The following SLC25A17 variants were observed in gnomAD, a reference collection of about 807,000 sequenced individuals.
SLC25A17 encodes the protein peroxisomal membrane protein PMP34.
SLC25A17 carries 26 observed loss-of-function variants against 38.5 expected under a neutral mutation model. The observed-to-expected ratio is 0.68, with a 90% confidence interval of 0.50 to 0.94. The LOEUF (loss-of-function observed/expected upper bound fraction) is 0.94. Ranked by LOEUF, SLC25A17 falls within the 40% of genes least tolerant of loss-of-function variation. The pLI is 0.00. For synonymous variants in SLC25A17, 139 were observed against 136.2 expected, an observed-to-expected ratio of 1.02 and a Z score of -0.14; for missense variants, 333 against 372.7, an observed-to-expected ratio of 0.89 and a Z score of 0.88.
At chr22:40,794,441 G>A in intron 3 of SLC25A17, 73 bp downstream of exon 3, 1 of 874,554 alleles carries the variant, frequency 1.1e-6, no homozygotes, top group South Asian at 1.4e-5. Context: ...TAGAAAGTAA[G>A]CATAACTCTA....
At chr22:40,817,634 CACTTCTACCATG>C (rs1417617921) in intron 1 of SLC25A17, among the ~76,000 whole-genome samples, 2 of 152,144 alleles carry the variant, frequency 1.3e-5, no homozygotes, top group Non-Finnish European at 2.9e-5. Flanking sequence ...GGTCAATGAT[CACTTCTACCATG>C]TCTGCTACCA....
intron 1 of SLC25A17, chr22:40,814,039 T>C (rs2057609729): frequency 6.6e-6 from 1 of 152,212 alleles, no homozygotes; most frequent in Non-Finnish European, 1.5e-5. Flanking sequence ...AGTAGATGTA[T>C]AGAGCACTCT....
At chr22:40,801,128 CATATATATATATATATATATATATAT>C (rs60780380) in intron 1 of SLC25A17, among the ~76,000 whole-genome samples, 72 of 101,202 alleles carry the variant, frequency 7.1e-4, no homozygotes, top group African/African-American at 2.0e-3. Flanking sequence ...AAATATATTA[CATATATATATATATATATATATATAT>C]ATATATATAT....
chr22:40,779,388 G>A, intron 4 of SLC25A17: 1 of 825,344 alleles, frequency 1.2e-6, no homozygotes, highest in Non-Finnish European at 1.8e-6. Flanking sequence ...TGTACAACAG[G>A]CAATCTATTT....
intron 4 of SLC25A17, among the ~76,000 whole-genome samples, chr22:40,791,344 C>T (rs1294199827): frequency 1.3e-5 from 2 of 152,140 alleles, no homozygotes; most frequent in East Asian, 3.8e-4. Context: ...CAGCCTCCAT[C>T]CTGAAGCTAT....
chr22:40,816,672 A>C (rs916099011), intron 1 of SLC25A17, among the ~76,000 whole-genome samples: 20 of 148,810 alleles, frequency 1.3e-4, no homozygotes, highest in Non-Finnish European at 2.7e-4. Context: ...GTGCAATGGC[A>C]CAATTTTGGC....
chr22:40,809,562 G>A (rs144633749), intron 1 of SLC25A17, among the ~76,000 whole-genome samples: 3 of 152,190 alleles, frequency 2.0e-5, no homozygotes, highest in Non-Finnish European at 2.9e-5. Context: ...AGCCTGGGCT[G>A]TTGGGGCTAC....
chr22:40,778,285 C>G (rs2057264257), intron 5 of SLC25A17, among the ~76,000 whole-genome samples: 1 of 152,228 alleles, frequency 6.6e-6, no homozygotes, highest in Non-Finnish European at 1.5e-5. Context: ...TACCCCTTGT[C>G]TTGGGCTTGG....
intron 4 of SLC25A17, among the ~76,000 whole-genome samples, chr22:40,791,411 G>C (rs1017396608): frequency 1.3e-5 from 2 of 152,102 alleles, no homozygotes; most frequent in Non-Finnish European, 1.5e-5. Context: ...GTTCAAAGGG[G>C]CTCATTAGGA....
chr22:40,780,389 G>C (rs1196326461), intron 4 of SLC25A17: 2 of 152,102 alleles, frequency 1.3e-5, no homozygotes, highest in African/African-American at 4.8e-5. Flanking sequence ...GTCATCTTTA[G>C]TTATAACTTA....
At chr22:40,781,190 A>G (rs2057291098) in intron 4 of SLC25A17, among the ~76,000 whole-genome samples, 1 of 151,552 alleles carries the variant, frequency 6.6e-6, no homozygotes, top group Non-Finnish European at 1.5e-5. Context: ...AAGAAAAAAG[A>G]AAAAAAAATC....
At chr22:40,787,057 C>T (rs889724088) in intron 4 of SLC25A17, among the ~76,000 whole-genome samples, 10 of 152,146 alleles carry the variant, frequency 6.6e-5, no homozygotes, top group African/African-American at 2.2e-4. Context: ...AGACAATAAA[C>T]ACTAAGACAG....
chr22:40,812,033 TTCTC>T lies in SLC25A17; in HGVS notation c.54+7158_54+7161del, dbSNP rs372346560. Among the ~76,000 whole-genome samples the T allele has an allele frequency of 5.8e-3, 874 of 150,270 alleles. 3 individuals are homozygous for T. The highest frequency in any genetic ancestry group is 9.3e-3 in the South Asian group (44 of 4,738). Reference sequence around the variant, plus strand: ...GATTTCTTTCTTTTTCTCTTTTTCTTTCTCTCTCTCTCTCTCTCTCTTTCTTTTT... The same window carrying T: ...GATTTCTTTCTTTTTCTCTTTTTCTTTCTCTCTCTCTCTCTCTTTCTTTTT... On this transcript the variant is annotated intron_variant, in intron 1 of 8. Coordinates refer to ENST00000435456, the MANE Select transcript of SLC25A17 (RefSeq NM_006358.4).
At chr22:40,815,942 T>G (rs552122500) in intron 1 of SLC25A17, among the ~76,000 whole-genome samples, 1 of 152,162 alleles carries the variant, frequency 6.6e-6, no homozygotes, top group African/African-American at 2.4e-5. Flanking sequence ...ATCCCAGCAC[T>G]TTGGGAGGCC....
At chr22:40,795,872 C>A (rs1198614170) in intron 2 of SLC25A17, among the ~76,000 whole-genome samples, 3 of 152,270 alleles carry the variant, frequency 2.0e-5, no homozygotes, top group East Asian at 1.9e-4. Context: ...ACTGCAACCT[C>A]TACCTTCTGG....
At chr22:40,811,325 G>A (rs1244478684) in intron 1 of SLC25A17, among the ~76,000 whole-genome samples, 6 of 151,262 alleles carry the variant, frequency 4.0e-5, no homozygotes, top group East Asian at 3.9e-4. Context: ...CCCTGGCCTC[G>A]AGTGATCTAC....
intron 1 of SLC25A17, among the ~76,000 whole-genome samples, chr22:40,804,987 G>GGAAAGAAA (rs58201023): frequency 2.4e-4 from 36 of 151,476 alleles, no homozygotes; most frequent in African/African-American, 8.5e-4. Context: ...AGAGAAGGAA[G>GGAAAGAAA]GAAAGAAAGA....
At chr22:40,790,528 A>G (rs528289060) in intron 4 of SLC25A17, among the ~76,000 whole-genome samples, 3 of 152,272 alleles carry the variant, frequency 2.0e-5, no homozygotes, top group Admixed American at 2.0e-4. Context: ...AAAAAAGTAA[A>G]AAATGAAAGC....
intron 1 of SLC25A17, among the ~76,000 whole-genome samples, chr22:40,801,795 C>A (rs2057486889): frequency 1.3e-5 from 2 of 151,984 alleles, no homozygotes; most frequent in South Asian, 2.1e-4. Context: ...CATTTCTTTT[C>A]TTTTCTTTTT....
Sources: allele counts gnomAD v4.1 joint callset (sites outside exome capture counted in the v4.1 genomes callset), GRCh38; gene constraint gnomAD v4.1.1; transcripts MANE v1.5; gene names NCBI Gene and HGNC (gene_info 2026-07-23, HGNC 2026-07-21).